DNM3: variants seen among roughly 807,000 people sequenced by gnomAD.
The protein encoded by DNM3 is dynamin-3.
DNM3 carries 47 observed loss-of-function variants against 101.6 expected under a neutral mutation model. The observed-to-expected ratio is 0.46, with a 90% CI of 0.37 to 0.59. The LOEUF is 0.59. Among genes scored for constraint, DNM3 ranks in the 20% least tolerant of loss-of-function variants. The pLI is 0.00. For synonymous variants in DNM3, 385 were observed against 387.9 expected, an observed-to-expected ratio of 0.99 and a Z score of 0.09; for missense variants, 849 against 1,085.7, an observed-to-expected ratio of 0.78 and a Z score of 3.06.
chr1:171,996,026 CATA>C (rs1254960101), intron 4 of DNM3, among the ~76,000 whole-genome samples: 1 of 152,018 alleles, frequency 6.6e-6, no homozygotes, highest in African/African-American at 2.4e-5. Context: ...AAATTATTTG[CATA>C]ATAATATTCA....
intron 11 of DNM3, among the ~76,000 whole-genome samples, chr1:172,080,256 A>G (rs1327368040): frequency 6.6e-6 from 1 of 152,106 alleles, no homozygotes; most frequent in African/African-American, 2.4e-5. Context: ...CTGTCCCAGG[A>G]AGATGGGAGT....
At chr1:172,149,209 T>C (rs1159769898) in intron 14 of DNM3, among the ~76,000 whole-genome samples, 4 of 152,142 alleles carry the variant, frequency 2.6e-5, no homozygotes, top group Non-Finnish European at 5.9e-5. Flanking sequence ...AGAAATAAGC[T>C]CCTAACCAAA....
intron 1 of DNM3, among the ~76,000 whole-genome samples, chr1:171,863,212 A>C (rs1290977813): frequency 6.6e-6 from 1 of 152,126 alleles, no homozygotes; most frequent in African/African-American, 2.4e-5. Flanking sequence ...GAAAAGCAGA[A>C]GAGAGAGGCA....
At chr1:172,180,942 T>C (rs2059321791) in intron 14 of DNM3, among the ~76,000 whole-genome samples, 1 of 152,040 alleles carries the variant, frequency 6.6e-6, no homozygotes, top group Admixed American at 6.6e-5. Context: ...TAAATATCTG[T>C]TTACCAACAT....
chr1:171,938,832 A>G (rs996449228), intron 2 of DNM3, among the ~76,000 whole-genome samples: 3 of 152,194 alleles, frequency 2.0e-5, no homozygotes, highest in Non-Finnish European at 4.4e-5. Flanking sequence ...TTGAGGGGAA[A>G]AAAAGGTAGT....
chr1:172,057,488 C>T (rs565145877), intron 10 of DNM3, among the ~76,000 whole-genome samples: 8 of 152,190 alleles, frequency 5.3e-5, no homozygotes, highest in African/African-American at 9.7e-5. Flanking sequence ...AGACTAACAG[C>T]GGATCTCTCA....
chr1:171,855,638 G>T (rs1240097344), intron 1 of DNM3, among the ~76,000 whole-genome samples: 1 of 152,126 alleles, frequency 6.6e-6, no homozygotes, highest in East Asian at 1.9e-4. Context: ...CAGTGATGTT[G>T]AGCTTTTTTA....
rs969568489 is a variant in DNM3, at chr1:172,411,553, A to G, written c.*3712A>G. On this transcript the variant is annotated 3_prime_UTR_variant, in exon 21 of 21. Transcript: ENST00000627582. ...ATGGTAGAAGTAAAAAAAAAAAAAA[A>G]GGACATAGCAACATTAAAGTAGTGG... The G allele has an allele frequency of 2.9e-5, 28 of 977,334 alleles. No homozygotes were observed. The African/African-American group carries it at 3.7e-4, about 13-fold the overall frequency. 60.5% of individuals were successfully genotyped at this position (977,334 alleles called of 1,614,324 possible).
chr1:172,369,585 T>G (rs1335000502), intron 17 of DNM3, among the ~76,000 whole-genome samples: 3 of 151,952 alleles, frequency 2.0e-5, no homozygotes, highest in African/African-American at 4.8e-5. Flanking sequence ...CTTTCTCTAC[T>G]CTTATTTAAC....
chr1:172,303,560 C>A (rs1044956350), intron 15 of DNM3, among the ~76,000 whole-genome samples: 4 of 152,104 alleles, frequency 2.6e-5, no homozygotes, highest in Admixed American at 2.6e-4. Context: ...GAAGAGCAAC[C>A]CCAAGACACA....
Position 172,410,103 on chromosome 1 carries a change from TCTCATAGAA to T in DNM3, c.*2264_*2272del. On this transcript the variant is annotated 3_prime_UTR_variant, in exon 21 of 21. Coordinates refer to ENST00000627582, the MANE Select transcript of DNM3 (RefSeq NM_015569.5). ...TTTTGTTCTTTACTCCTAAGTTATT[TCTCATAGAA>T]CCCAGCCTACTCTAGAATTTCAGCA... 2 of 985,426 alleles carry T rather than the reference TCTCATAGAA, an allele frequency of 2.0e-6. No homozygotes were observed. The highest frequency in any genetic ancestry group is 1.2e-6 in the Non-Finnish European group (1 of 829,884). The allele number at this position is 985,426 out of a possible 1,614,324, so 61.0% of individuals were successfully genotyped here.
intron 13 of DNM3, among the ~76,000 whole-genome samples, chr1:172,116,871 G>A (rs747440610): frequency 3.3e-5 from 5 of 151,938 alleles, no homozygotes; most frequent in South Asian, 2.1e-4. Flanking sequence ...TTCTTAGAAC[G>A]TACTTTGAGA....
At chr1:172,003,580 C>G in intron 4 of DNM3, among the ~76,000 whole-genome samples, 1 of 151,826 alleles carries the variant, frequency 6.6e-6, no homozygotes, top group Non-Finnish European at 1.5e-5. Flanking sequence ...ATTTCTTCCC[C>G]CTCCCCTTCT....
intron 14 of DNM3, among the ~76,000 whole-genome samples, chr1:172,249,344 C>G (rs2062079406): frequency 6.6e-6 from 1 of 152,152 alleles, no homozygotes; most frequent in Admixed American, 6.5e-5. Flanking sequence ...CTGCCTTTTA[C>G]TACTCATTGT....
intron 7 of DNM3, 24 bp from the exon 8 acceptor site, chr1:172,041,985 T>C (rs2049426648): frequency 1.3e-6 from 2 of 1,559,678 alleles, no homozygotes; most frequent in Admixed American, 4.3e-5. Flanking sequence ...TTGACTTGAA[T>C]CTATTTCTCT....
chr1:172,263,584 A>T (rs1311485183), intron 15 of DNM3, among the ~76,000 whole-genome samples: 1 of 152,204 alleles, frequency 6.6e-6, no homozygotes, highest in South Asian at 2.1e-4. Context: ...GGCAAAAGAC[A>T]CATCTTACAT....
chr1:172,239,798 C>CTGTTTTTTTTTTTTTTT (rs369238528), intron 14 of DNM3, among the ~76,000 whole-genome samples: 1 of 106,866 alleles, frequency 9.4e-6, no homozygotes, highest in African/African-American at 3.6e-5. Context: ...CTTTTTTTTT[C>CTGTTTTTTTTTTTTTTT]TCTTTTTTTT....
chr1:172,346,505 G>A (rs1238275772), intron 17 of DNM3, among the ~76,000 whole-genome samples: 2 of 152,160 alleles, frequency 1.3e-5, no homozygotes, highest in Non-Finnish European at 2.9e-5. Context: ...TAGTAAGAGT[G>A]TTATACTAGG....
intron 14 of DNM3, among the ~76,000 whole-genome samples, chr1:172,167,293 C>T (rs1026726592): frequency 1.3e-5 from 2 of 152,058 alleles, no homozygotes; most frequent in African/African-American, 2.4e-5. Context: ...TGTATATGTG[C>T]CACATTTTCT....
Sources: gnomAD v4.1 joint callset for allele counts (sites outside exome capture counted in the v4.1 genomes callset) on GRCh38, gnomAD v4.1.1 for gene constraint, MANE v1.5 for transcripts, NCBI Gene and HGNC (gene_info 2026-07-23, HGNC 2026-07-21) for gene names.